NBR1: variants seen among roughly 807,000 people sequenced by gnomAD.
NBR1 encodes the protein next to BRCA1 gene 1 protein.
NBR1 carries 59 observed loss-of-function variants against 115.5 expected under a neutral mutation model. That is an observed-to-expected ratio of 0.51 (90% CI 0.41 to 0.63). NBR1 has a LOEUF of 0.63. NBR1 is among the 30% of genes least tolerant of loss of function. NBR1 has a pLI of 0.00. For synonymous variants in NBR1, 373 were observed against 414.7 expected (o/e 0.90, Z 1.22); for missense variants, 1,043 against 1,150.5 (o/e 0.91, Z 1.35).
chr17:43,207,414 A>G (rs1332337210), intron 20 of NBR1, among the ~76,000 whole-genome samples: 1 of 152,184 alleles, frequency 6.6e-6, no homozygotes, highest in Admixed American at 6.5e-5. Flanking sequence ...CTGGAGTGCA[A>G]TAACTAGATT....
chr17:43,175,540 A>G (rs1358354992), intron 1 of NBR1, among the ~76,000 whole-genome samples: 1 of 152,162 alleles, frequency 6.6e-6, no homozygotes, highest in East Asian at 1.9e-4. Flanking sequence ...TTCAAGAATA[A>G]TTTTTGTGAC....
At chr17:43,195,165 G>A in intron 14 of NBR1, 126 bp downstream of exon 14, 1 of 742,870 alleles carries the variant, frequency 1.3e-6, no homozygotes, top group Admixed American at 2.8e-5. Flanking sequence ...GGATAGTAAA[G>A]CAGCAATCAT....
chr17:43,190,816 C>T (rs1272650277), intron 9 of NBR1, 40 bp downstream of exon 9: 1 of 1,535,378 alleles, frequency 6.5e-7, no homozygotes, highest in Non-Finnish European at 8.8e-7. Flanking sequence ...CTCTGATTGA[C>T]TTCTTGGTTC....
At position 43,179,277 on chromosome 17, in the gene NBR1, G is replaced by A; in HGVS notation, c.166-117G>A. 3 of 847,144 alleles carry A rather than the reference G, an allele frequency of 3.5e-6. No individual in the cohort carries two copies. The East Asian group carries it at 7.6e-5, about 22-fold the overall frequency. 52.5% of individuals were successfully genotyped at this position (847,144 alleles called of 1,614,324 possible). A position where few individuals can be genotyped will look rare whatever the true frequency, so the allele number is the denominator to read the frequency against. On this transcript the variant is annotated intron_variant, in intron 3 of 20. Transcript: ENST00000590996. ...GTTATTCATGACTAGCAAGTGATAT[G>A]GAAAAGCTGAACGCTTGGCCTGAGT... is the stretch of plus-strand genomic sequence containing the variant.
intron 2 of NBR1, among the ~76,000 whole-genome samples, chr17:43,177,560 C>T (rs2056548627): frequency 7.1e-6 from 1 of 141,530 alleles, no homozygotes; most frequent in Admixed American, 7.5e-5. Flanking sequence ...CCCTACCCCA[C>T]ACCCCACCCA....
chr17:43,182,651 T>C (rs963415262), intron 5 of NBR1, among the ~76,000 whole-genome samples: 6 of 151,924 alleles, frequency 3.9e-5, no homozygotes, highest in East Asian at 3.8e-4. Context: ...TGTTTAAATA[T>C]AAAAATGTGT....
intron 16 of NBR1, among the ~76,000 whole-genome samples, chr17:43,198,606 C>T (rs950283117): frequency 8.6e-5 from 13 of 151,030 alleles, no homozygotes; most frequent in Admixed American, 1.3e-4. Flanking sequence ...GAGCTGAGAT[C>T]GCACCACTGC....
At chr17:43,190,493 T>G in intron 8 of NBR1, 116 bp from the exon 9 acceptor site, 1 of 1,107,422 alleles carries the variant, frequency 9.0e-7, no homozygotes, top group Non-Finnish European at 1.3e-6. Context: ...TCAGATGGCA[T>G]GCTCAGGTTA....
At chr17:43,172,416 AAGAG>A (rs1300643911) in intron 1 of NBR1, among the ~76,000 whole-genome samples, 3 of 152,204 alleles carry the variant, frequency 2.0e-5, no homozygotes, top group Non-Finnish European at 4.4e-5. Context: ...ATTTGAGAAA[AAGAG>A]AGGAAGATTC....
intron 1 of NBR1, among the ~76,000 whole-genome samples, chr17:43,173,143 GTTTAA>G (rs1263469227): frequency 6.6e-6 from 1 of 151,910 alleles, no homozygotes; most frequent in Non-Finnish European, 1.5e-5. Flanking sequence ...TTTTTAAAAT[GTTTAA>G]TTGAACTTAA....
At chr17:43,170,686 T>TG (rs1358049010), upstream of NBR1, 1 of 152,256 alleles carries the variant, frequency 6.6e-6, no homozygotes, top group Non-Finnish European at 1.5e-5. Context: ...CGAAAGGCCT[T>TG]GGCCACACTG....
At chr17:43,174,323 A>G (rs1002622484) in intron 1 of NBR1, among the ~76,000 whole-genome samples, 1 of 152,146 alleles carries the variant, frequency 6.6e-6, no homozygotes, top group Non-Finnish European at 1.5e-5. Context: ...TAGTCCGGGC[A>G]TGGTGGCTCA....
Position 43,191,355 on chromosome 17 carries a change from CT to C in NBR1, c.864-13del. ...ATTTGTGACTTTCTTTTAAGACTTG[CT>C]TTTATTATCTCACAGGCTCCAGAAA... On this transcript the variant is annotated splice_polypyrimidine_tract_variant and intron_variant, in intron 9 of 20. Transcript: ENST00000590996. 1 of 1,583,744 alleles carries C rather than the reference CT, an allele frequency of 6.3e-7. No homozygotes were observed. Among genetic ancestry groups the C allele is most frequent in the African/African-American group, 1.4e-5 (1 of 73,980 alleles).
At chr17:43,192,134 C>T (rs2056963429) in intron 10 of NBR1, among the ~76,000 whole-genome samples, 1 of 150,310 alleles carries the variant, frequency 6.7e-6, no homozygotes, top group South Asian at 2.1e-4. Flanking sequence ...GATTCTCCTG[C>T]CTCAGCCTCC....
chr17:43,189,140 G>C, intron 7 of NBR1, 21 bp downstream of exon 7: 2 of 1,558,414 alleles, frequency 1.3e-6, no homozygotes, highest in Non-Finnish European at 1.8e-6. Context: ...TGTCTCGCTT[G>C]GGTTTTAACT....
intron 5 of NBR1, among the ~76,000 whole-genome samples, chr17:43,182,345 G>C (rs1250649905): frequency 1.3e-5 from 2 of 148,404 alleles, no homozygotes; most frequent in Non-Finnish European, 3.0e-5. Context: ...AGTTTCCCAA[G>C]TAGCTGGGAT....
Position 43,200,288 on chromosome 17 carries a change from G to A in NBR1, c.2148G>A (p.Glu716=), listed in dbSNP as rs61740594. 3.2e-6 allele frequency: 5 copies of A among 1,551,932 alleles called. No individual in the cohort carries two copies. In the African/African-American group the frequency reaches 6.8e-5, roughly 21 times the overall value. ...EDEEDEEEED[E]LKDEVQSQSS... is the part of the protein sequence containing the mutation. ...AGGAGGATGAGGAGGAGGAGGATGAGCTCAAAGATGAAGTTCAAAGTCAGT... is the reference window on the plus strand; with the variant it reads ...AGGAGGATGAGGAGGAGGAGGATGAACTCAAAGATGAAGTTCAAAGTCAGT... Residue 716 remains glutamate, a synonymous_variant, in exon 17 of 21, where the codon GAG becomes GAA. Coordinates refer to ENST00000590996, the MANE Select transcript of NBR1 (RefSeq NM_005899.5).
At chr17:43,180,016 C>G (rs1164593845) in intron 4 of NBR1, among the ~76,000 whole-genome samples, 5 of 152,002 alleles carry the variant, frequency 3.3e-5, no homozygotes, top group African/African-American at 1.2e-4. Context: ...CTGTTTGCAA[C>G]AAAAAGGGAG....
At chr17:43,203,898 T>C in intron 20 of NBR1, 112 bp downstream of exon 20, 1 of 576,038 alleles carries the variant, frequency 1.7e-6, no homozygotes, top group Non-Finnish European at 2.9e-6. Context: ...GCATAGGCTT[T>C]AGATTTAGTC....
Sources: allele counts gnomAD v4.1 joint callset (sites outside exome capture counted in the v4.1 genomes callset), GRCh38; gene constraint gnomAD v4.1.1; transcripts MANE v1.5; gene names NCBI Gene and HGNC (gene_info 2026-07-23, HGNC 2026-07-21).